Variants in CACNA2D1 observed in about 807,000 individuals in gnomAD.
The protein encoded by CACNA2D1 is voltage-dependent calcium channel subunit alpha-2/delta-1.
A neutral mutation model predicts 171.5 loss-of-function variants in CACNA2D1; 53 were observed. That is an observed-to-expected ratio of 0.31 (90% CI 0.25 to 0.39). The LOEUF (loss-of-function observed/expected upper bound fraction) is 0.39, where lower values mean the gene tolerates loss of function less well. CACNA2D1 is among the 10% of genes least tolerant of loss of function. CACNA2D1 has a pLI of 1.00. For missense variants in CACNA2D1, 903 were observed against 1,299.8 expected (o/e 0.69, Z 4.69); for synonymous variants, 442 against 443.1 (o/e 1.00, Z 0.03).
chr7:82,276,070 A>C (rs1809278540), intron 3 of CACNA2D1, among the ~76,000 whole-genome samples: 1 of 152,140 alleles, frequency 6.6e-6, no homozygotes, highest in African/African-American at 2.4e-5. Context: ...AACTGAGTTG[A>C]ATCTACTTAC....
At chr7:82,054,458 A>G (rs989283877) in intron 10 of CACNA2D1, among the ~76,000 whole-genome samples, 20 of 152,218 alleles carry the variant, frequency 1.3e-4, no homozygotes, top group African/African-American at 2.9e-4. Flanking sequence ...CATGAAATCT[A>G]TACTTATTCC....
chr7:81,955,305 A>G (rs893603959), intron 38 of CACNA2D1, among the ~76,000 whole-genome samples: 5 of 152,130 alleles, frequency 3.3e-5, no homozygotes, highest in African/African-American at 1.2e-4. Context: ...AGAAATTGCT[A>G]GTTTTAGCCA....
At chr7:81,976,281 A>C (rs960905265) in intron 24 of CACNA2D1, among the ~76,000 whole-genome samples, 2 of 152,188 alleles carry the variant, frequency 1.3e-5, no homozygotes, top group Admixed American at 6.5e-5. Flanking sequence ...TCTGTGAAGA[A>C]AGTCAATGGT....
chr7:82,354,519 A>C (rs1369874753), intron 1 of CACNA2D1, among the ~76,000 whole-genome samples: 1 of 152,190 alleles, frequency 6.6e-6, no homozygotes, highest in African/African-American at 2.4e-5. Context: ...AAATGGAAAT[A>C]ACTGGAATAA....
At chr7:82,352,288 A>C (rs1413364996) in intron 1 of CACNA2D1, among the ~76,000 whole-genome samples, 1 of 152,226 alleles carries the variant, frequency 6.6e-6, no homozygotes, top group Non-Finnish European at 1.5e-5. Context: ...AAATAAGGAA[A>C]GGTCCCATTC....
intron 3 of CACNA2D1, among the ~76,000 whole-genome samples, chr7:82,229,931 C>T (rs1433263458): frequency 6.6e-6 from 1 of 152,046 alleles, no homozygotes; most frequent in Non-Finnish European, 1.5e-5. Context: ...TTATAATTGC[C>T]ACAAAAATGT....
At chr7:82,043,641 T>C (rs1804208791) in intron 10 of CACNA2D1, among the ~76,000 whole-genome samples, 1 of 152,204 alleles carries the variant, frequency 6.6e-6, no homozygotes, top group Non-Finnish European at 1.5e-5. Context: ...TCAAATGAAA[T>C]AACCCAAGCT....
chr7:82,443,281 G>T, intron 1 of CACNA2D1, 84 bp downstream of exon 1: 2 of 1,323,922 alleles, frequency 1.5e-6, no homozygotes, highest in Non-Finnish European at 1.0e-6. Context: ...GGGCGGAAAA[G>T]CCCCGCGACT....
At chr7:82,358,973 CAT>C (rs1470884239) in intron 1 of CACNA2D1, among the ~76,000 whole-genome samples, 2 of 152,022 alleles carry the variant, frequency 1.3e-5, no homozygotes, top group Admixed American at 6.6e-5. Flanking sequence ...TTGATAGTAA[CAT>C]AGTTCCATGG....
intron 5 of CACNA2D1, among the ~76,000 whole-genome samples, chr7:82,123,087 A>G (rs1789935033): frequency 6.6e-6 from 1 of 152,206 alleles, no homozygotes; most frequent in Non-Finnish European, 1.5e-5. Context: ...ATCTTTGCAA[A>G]AGGAGCATGT....
At chr7:82,410,432 T>C (rs2129454812) in intron 1 of CACNA2D1, 4 of 731,172 alleles carry the variant, frequency 5.5e-6, no homozygotes, top group African/African-American at 1.9e-5. Context: ...CTATCCAACA[T>C]CTTTCATTCT....
chr7:82,411,291 G>A (rs1827621175), intron 1 of CACNA2D1, among the ~76,000 whole-genome samples: 1 of 152,176 alleles, frequency 6.6e-6, no homozygotes, highest in South Asian at 2.1e-4. Flanking sequence ...CTGAGTTATA[G>A]CCCTGCCCCA....
At chr7:82,368,778 A>G (rs1199691413) in intron 1 of CACNA2D1, among the ~76,000 whole-genome samples, 1 of 152,200 alleles carries the variant, frequency 6.6e-6, no homozygotes, top group East Asian at 1.9e-4. Flanking sequence ...TTACATTTCA[A>G]CTATTCCATA....
chr7:82,115,388 C>T (rs1788926644), intron 6 of CACNA2D1, among the ~76,000 whole-genome samples: 1 of 151,702 alleles, frequency 6.6e-6, no homozygotes, highest in Non-Finnish European at 1.5e-5. Flanking sequence ...AAAAATAATA[C>T]AATGGTCAAA....
intron 38 of CACNA2D1, among the ~76,000 whole-genome samples, chr7:81,955,115 G>A (rs1395164653): frequency 6.6e-6 from 1 of 152,044 alleles, no homozygotes; most frequent in East Asian, 1.9e-4. Context: ...TCATAAACTT[G>A]TTATCAAAAA....
Position 82,255,381 on chromosome 7 carries a change from G to A in CACNA2D1, c.294+79754C>T, listed in dbSNP as rs577288078. On this transcript the variant is annotated intron_variant, in intron 3 of 38. Transcript: ENST00000356860. ...GCAACATGTCTGTCTGTTCTTTGAC[G>A]TATGTATCCCCAGAGTACATAATAA... Among the ~76,000 whole-genome samples the A allele has an allele frequency of 3.9e-5, 6 of 152,226 alleles. No individual in the cohort carries two copies. The South Asian group carries it at 6.2e-4, about 16-fold the overall frequency.
At chr7:82,351,966 GGCAAAGAATATATAT>G (rs1394998377) in intron 1 of CACNA2D1, among the ~76,000 whole-genome samples, 11 of 152,142 alleles carry the variant, frequency 7.2e-5, no homozygotes, top group African/African-American at 2.7e-4. Context: ...GAAACTGAGA[GGCAAAGAATATATAT>G]GTAAAGAAGT....
chr7:82,206,394 A>T (rs1051937986), intron 3 of CACNA2D1, among the ~76,000 whole-genome samples: 10 of 152,146 alleles, frequency 6.6e-5, no homozygotes. Context: ...TCAAACATTT[A>T]TTATACACTA....
intron 3 of CACNA2D1, among the ~76,000 whole-genome samples, chr7:82,188,891 A>T (rs1396324985): frequency 6.6e-6 from 1 of 152,138 alleles, no homozygotes; most frequent in Non-Finnish European, 1.5e-5. Context: ...GCTGGAGGCC[A>T]TTATCCTAAG....
Sources: allele counts gnomAD v4.1 joint callset (sites outside exome capture counted in the v4.1 genomes callset), GRCh38; gene constraint gnomAD v4.1.1; transcripts MANE v1.5; gene names NCBI Gene and HGNC (gene_info 2026-07-23, HGNC 2026-07-21).